Variants in BRCC3 observed in about 807,000 individuals in gnomAD.
The protein encoded by BRCC3 is BRCA1/BRCA2-containing complex subunit 3.
A neutral mutation model predicts 28.0 loss-of-function variants in BRCC3; 15 were observed. The observed-to-expected ratio is 0.54, with a 90% confidence interval of 0.36 to 0.82. BRCC3 has a LOEUF of 0.82. Ranked by LOEUF, BRCC3 falls within the 40% of genes least tolerant of loss-of-function variation. The pLI, the probability that BRCC3 is intolerant of heterozygous loss-of-function variation, is 0.01. For missense variants in BRCC3, 109 were observed against 225.9 expected (o/e 0.48, Z 3.32); for synonymous variants, 66 against 80.3 (o/e 0.82, Z 0.95).
chrX:155,112,892 A>G (rs1386051824), intron 7 of BRCC3, among the ~76,000 whole-genome samples: 7 of 111,875 alleles, frequency 6.3e-5, no homozygotes, highest in Non-Finnish European at 1.3e-4. Context: ...CTCATTTACA[A>G]TAATATCAAA....
At chrX:155,072,485 A>G (rs1557292764) in intron 2 of BRCC3, 142 bp downstream of exon 2, 4 of 459,625 alleles carry the variant, frequency 8.7e-6, no homozygotes, top group Non-Finnish European at 1.5e-5. Flanking sequence ...TAATGATACA[A>G]CCTTGAACTT....
Position 155,086,402 on chromosome X carries a change from G to A in BRCC3, c.404-2861G>A, listed in dbSNP as rs913636420. On this transcript the variant is annotated intron_variant, in intron 5 of 10. Transcript: ENST00000330045. ...CTCCCTTCCTTGCCCAGGCTGGAGT[G>A]CGATGGCGCGCCCTCTCAGGTAACT... Among the ~76,000 whole-genome samples, 59 of 111,636 alleles carry A rather than the reference G, an allele frequency of 5.3e-4. 1 individual carries two copies. Among genetic ancestry groups the A allele is most frequent in the African/African-American group, 1.9e-3 (58 of 30,687 alleles).
intron 4 of BRCC3, 119 bp from the exon 5 acceptor site, chrX:155,078,497 C>T (rs1403133740): frequency 1.9e-6 from 1 of 533,954 alleles, no homozygotes; most frequent in Non-Finnish European, 3.2e-6. Context: ...AATCTTATTT[C>T]ATTCTTTTGT....
Position 155,077,805 on chromosome X carries a change from G to A in BRCC3, c.315+516G>A, listed in dbSNP as rs782441069. 6.7e-4 allele frequency among the ~76,000 whole-genome samples: 75 copies of A among 111,826 alleles called. 1 individual carries two copies. Among genetic ancestry groups the A allele is most frequent in the Non-Finnish European group, 1.1e-3 (59 of 53,166 alleles). ...CAGTATGATTCCGAGTGTCCTGGCC[G>A]GCGCCTCGTAAGTGAATATGAAGCT... is the stretch of plus-strand genomic sequence containing the variant. On this transcript the variant is annotated intron_variant, in intron 4 of 10. Coordinates refer to ENST00000330045, the MANE Select transcript of BRCC3 (RefSeq NM_001018055.3).
At chrX:155,094,347 T>C (rs2074195341) in intron 7 of BRCC3, among the ~76,000 whole-genome samples, 1 of 110,622 alleles carries the variant, frequency 9.0e-6, no homozygotes, top group Non-Finnish European at 1.9e-5. Context: ...TTCTTGATGC[T>C]GCTGTTACTG....
intron 9 of BRCC3, among the ~76,000 whole-genome samples, chrX:155,118,301 G>A (rs1357689427): frequency 1.4e-5 from 1 of 69,620 alleles, no homozygotes; most frequent in Non-Finnish European, 3.5e-5. Flanking sequence ...TATGCCAGGT[G>A]AAGGAAGCAT....
intron 1 of BRCC3, 76 bp downstream of exon 1, chrX:155,071,726 C>A (rs894530410): frequency 1.5e-4 from 161 of 1,110,287 alleles, no homozygotes; most frequent in Non-Finnish European, 1.9e-4. Flanking sequence ...GCCGGCAGCT[C>A]CCAGGGCTGC....
intron 5 of BRCC3, among the ~76,000 whole-genome samples, chrX:155,080,627 A>C (rs991464527): frequency 7.1e-5 from 8 of 112,554 alleles, no homozygotes; most frequent in African/African-American, 2.6e-4. Context: ...AATAAGGGCT[A>C]TGTGTAAAGA....
At chrX:155,104,109 T>C (rs1557297186) in intron 7 of BRCC3, among the ~76,000 whole-genome samples, 2 of 111,656 alleles carry the variant, frequency 1.8e-5, no homozygotes, top group Non-Finnish European at 3.8e-5. Flanking sequence ...AAAATAGTTA[T>C]AATATTCATT....
chrX:155,086,633 A>G (rs782120716), intron 5 of BRCC3, among the ~76,000 whole-genome samples: 9 of 111,306 alleles, frequency 8.1e-5, no homozygotes, highest in Non-Finnish European at 1.5e-4. Flanking sequence ...CGCTGCTCAC[A>G]GCGCCATCTG....
chrX:155,073,789 C>G (rs2074007395), intron 3 of BRCC3, among the ~76,000 whole-genome samples: 1 of 110,937 alleles, frequency 9.0e-6, no homozygotes, highest in South Asian at 3.8e-4. Context: ...ATGCAGCCCT[C>G]TCTTCTTAAA....
intron 8 of BRCC3, 40 bp downstream of exon 8, chrX:155,116,228 CCTAGTCT>C (rs781849155): frequency 6.2e-6 from 7 of 1,125,081 alleles, no homozygotes; most frequent in Non-Finnish European, 5.9e-6. Flanking sequence ...CTTCTCAGGA[CCTAGTCT>C]CTCTTTTCTT....
intron 8 of BRCC3, 116 bp downstream of exon 8, chrX:155,116,304 G>A: frequency 2.9e-6 from 2 of 698,129 alleles, no homozygotes; most frequent in Non-Finnish European, 2.0e-6. Flanking sequence ...TTGCCTCTCT[G>A]GGAAGCTTTC....
chrX:155,074,460 A>G (rs781803961), intron 3 of BRCC3, among the ~76,000 whole-genome samples: 17 of 111,074 alleles, frequency 1.5e-4, no homozygotes, highest in Middle Eastern at 4.6e-3. Flanking sequence ...CTAAACTCTC[A>G]TGAGTTTTTG....
At chrX:155,077,364 C>G in intron 4 of BRCC3, 75 bp downstream of exon 4, 1 of 981,935 alleles carries the variant, frequency 1.0e-6, no homozygotes, top group Non-Finnish European at 1.3e-6. Context: ...CTGCAGTCAT[C>G]CTGCTTTAGG....
intron 7 of BRCC3, among the ~76,000 whole-genome samples, chrX:155,100,843 G>T (rs2074242360): frequency 1.8e-5 from 2 of 111,390 alleles, no homozygotes; most frequent in Admixed American, 9.5e-5. Flanking sequence ...CATACAGGGT[G>T]AACATGTACA....
At chrX:155,097,193 A>G (rs2074215734) in intron 7 of BRCC3, among the ~76,000 whole-genome samples, 2 of 111,599 alleles carry the variant, frequency 1.8e-5, no homozygotes, top group Admixed American at 1.9e-4. Flanking sequence ...AGCAAAAGAA[A>G]CTGAACAAAA....
At chrX:155,105,801 C>A (rs930926071) in intron 7 of BRCC3, among the ~76,000 whole-genome samples, 1 of 112,018 alleles carries the variant, frequency 8.9e-6, no homozygotes, top group Non-Finnish European at 1.9e-5. Flanking sequence ...CGGGATCAAG[C>A]TGTTCTCCTG....
At chrX:155,085,742 ACAGGGAGAAGTGGAACAGG>A (rs782485890) in intron 5 of BRCC3, among the ~76,000 whole-genome samples, 1,313 of 112,107 alleles carry the variant, frequency 0.012, 19 homozygotes, top group African/African-American at 0.039. Flanking sequence ...TCTCTCAGTA[ACAGGGAGAAGTGGAACAGG>A]CAATTGGATC....
Sources: gnomAD v4.1 joint callset for allele counts (sites outside exome capture counted in the v4.1 genomes callset) on GRCh38, gnomAD v4.1.1 for gene constraint, MANE v1.5 for transcripts, NCBI Gene and HGNC (gene_info 2026-07-23, HGNC 2026-07-21) for gene names.